Variants in MMP26 observed in about 807,000 individuals in gnomAD.
MMP26 encodes matrix metalloproteinase-26.
A neutral mutation model predicts 31.0 loss-of-function variants in MMP26; 33 were observed. The observed-to-expected ratio is 1.06, with a 90% CI of 0.81 to 1.42. The LOEUF (loss-of-function observed/expected upper bound fraction) is 1.42. MMP26 is among the 40% of genes most tolerant of loss of function. MMP26 has a pLI of 0.00. For synonymous variants in MMP26, 122 were observed against 114.9 expected (o/e 1.06, Z -0.40); for missense variants, 347 against 316.1 (o/e 1.10, Z -0.74).
Position 4,952,422 on chromosome 11 carries a change from G to T in MMP26, c.-144-35646G>T, listed in dbSNP as rs114467954. ...CAATTAATAAAGCATGTCAACTACT[G>T]CTTTGTTGTACTACAACCCCAAACC... On this transcript the variant is annotated intron_variant, in intron 2 of 7. Coordinates refer to ENST00000380390, the MANE Select transcript of MMP26 (RefSeq NM_021801.5). Among the ~76,000 whole-genome samples the T allele has an allele frequency of 5.9e-3, 742 of 125,030 alleles. 151 individuals carry two copies. Among genetic ancestry groups the T allele is most frequent in the African/African-American group, 0.018 (680 of 36,910 alleles). The allele number at this position is 125,030 out of a possible 152,430, so 82.0% of individuals were successfully genotyped here.
intron 2 of MMP26, among the ~76,000 whole-genome samples, chr11:4,982,249 C>CTA (rs1275025639): frequency 3.9e-5 from 6 of 151,926 alleles, no homozygotes; most frequent in Non-Finnish European, 7.4e-5. Flanking sequence ...ATTGTATGTG[C>CTA]TATACTTCTG....
At chr11:4,892,844 C>T (rs1439586929) in intron 2 of MMP26, among the ~76,000 whole-genome samples, 1 of 152,142 alleles carries the variant, frequency 6.6e-6, no homozygotes, top group African/African-American at 2.4e-5. Context: ...CTGTTCAGAT[C>T]TGTTCCAATA....
At chr11:4,975,832 T>G (rs1846729723) in intron 2 of MMP26, among the ~76,000 whole-genome samples, 1 of 152,038 alleles carries the variant, frequency 6.6e-6, no homozygotes, top group Admixed American at 6.6e-5. Context: ...GCCAAGATGT[T>G]GGTATTGTTT....
chr11:4,814,830 C>G (rs1372789983), intron 2 of MMP26, among the ~76,000 whole-genome samples: 2 of 152,074 alleles, frequency 1.3e-5, no homozygotes, highest in Admixed American at 1.3e-4. Flanking sequence ...AGTAATTCTG[C>G]ATATAGTTGT....
Position 4,863,348 on chromosome 11 carries a change from T to C in MMP26, c.-145+96007T>C, listed in dbSNP as rs73403096. ...AATTCTTATGCATTCTTCCATTCCA[T>C]CTTTATTTTATGCCTAGCCTTGCAC... On this transcript the variant is annotated intron_variant, in intron 2 of 7. Transcript: ENST00000380390. Among the ~76,000 whole-genome samples, 777 of 152,232 alleles carry C rather than the reference T, an allele frequency of 5.1e-3. 12 individuals carry two copies. Among genetic ancestry groups the C allele is most frequent in the African/African-American group, 0.018 (732 of 41,552 alleles).
At chr11:4,891,013 A>AATAATAATAATG (rs1564801316) in intron 2 of MMP26, among the ~76,000 whole-genome samples, 1 of 147,960 alleles carries the variant, frequency 6.8e-6, no homozygotes. Context: ...TAATAATAAT[A>AATAATAATAATG]ATAATAATAA....
chr11:4,974,089 A>G (rs1305354546), intron 2 of MMP26, among the ~76,000 whole-genome samples: 1 of 152,044 alleles, frequency 6.6e-6, no homozygotes, highest in African/African-American at 2.4e-5. Flanking sequence ...AGAAAAAATA[A>G]TGCAAATTGA....
intron 2 of MMP26, among the ~76,000 whole-genome samples, chr11:4,912,223 A>G (rs558084382): frequency 1.8e-4 from 27 of 152,230 alleles, no homozygotes; most frequent in African/African-American, 6.3e-4. Flanking sequence ...TGTGGGGTAG[A>G]CATTTTTAGT....
At chr11:4,804,089 G>A in intron 2 of MMP26, 6 of 1,614,048 alleles carry the variant, frequency 3.7e-6, no homozygotes, top group Non-Finnish European at 5.1e-6. Flanking sequence ...AGGCAGGCAT[G>A]GTACTGAATC....
intron 2 of MMP26, among the ~76,000 whole-genome samples, chr11:4,929,964 T>C (rs1177245607): frequency 6.6e-6 from 1 of 152,122 alleles, no homozygotes; most frequent in Non-Finnish European, 1.5e-5. Context: ...AAACAATCAA[T>C]GTTCTTGTAA....
chr11:4,951,686 G>T (rs568578074), intron 2 of MMP26, among the ~76,000 whole-genome samples: 2 of 124,086 alleles, frequency 1.6e-5, no homozygotes, highest in African/African-American at 5.5e-5. Context: ...GTGGCACAGA[G>T]ATTGGCATAT....
At chr11:4,977,973 G>A (rs997903668) in intron 2 of MMP26, among the ~76,000 whole-genome samples, 2 of 152,078 alleles carry the variant, frequency 1.3e-5, no homozygotes, top group African/African-American at 4.8e-5. Flanking sequence ...GAAAGACCTG[G>A]TGGGAGGTGA....
intron 1 of MMP26, among the ~76,000 whole-genome samples, chr11:4,716,951 C>T (rs183196010): frequency 9.2e-5 from 14 of 152,182 alleles, no homozygotes; most frequent in Non-Finnish European, 1.6e-4. Flanking sequence ...CATGAGCCAC[C>T]GTTCCCAGCC....
chr11:4,956,147 A>T (rs754760863), intron 2 of MMP26, among the ~76,000 whole-genome samples: 14 of 152,200 alleles, frequency 9.2e-5, no homozygotes, highest in Non-Finnish European at 1.3e-4. Flanking sequence ...AGTCAAGTGA[A>T]AGCCAAATAA....
intron 1 of MMP26, chr11:4,710,126 G>A (rs576632668): frequency 1.3e-5 from 6 of 456,732 alleles, no homozygotes; most frequent in East Asian, 1.4e-4. Context: ...ACCCTGATGC[G>A]ATGAAGCTCT....
chr11:4,849,961 T>C (rs934780371), intron 2 of MMP26, among the ~76,000 whole-genome samples: 25 of 152,166 alleles, frequency 1.6e-4, no homozygotes, highest in Non-Finnish European at 2.1e-4. Context: ...ATCCATCGCC[T>C]TGAGTAATTA....
At chr11:4,821,756 T>C in intron 2 of MMP26, 1 of 1,613,964 alleles carries the variant, frequency 6.2e-7, no homozygotes. Flanking sequence ...TTTACTTTCA[T>C]GGAGTCTGGG....
chr11:4,972,184 G>C (rs1846674986), intron 2 of MMP26, among the ~76,000 whole-genome samples: 1 of 152,184 alleles, frequency 6.6e-6, no homozygotes, highest in African/African-American at 2.4e-5. Context: ...TGGAGGGGAA[G>C]GGGCTTTGGT....
At chr11:4,724,237 G>C (rs1848066098) in intron 1 of MMP26, 1 of 431,888 alleles carries the variant, frequency 2.3e-6, no homozygotes, top group South Asian at 4.0e-5. Flanking sequence ...TTTGATCTAG[G>C]TCTTATTACC....
Sources: gnomAD v4.1 joint callset for allele counts (sites outside exome capture counted in the v4.1 genomes callset) on GRCh38, gnomAD v4.1.1 for gene constraint, MANE v1.5 for transcripts, NCBI Gene and HGNC (gene_info 2026-07-23, HGNC 2026-07-21) for gene names.